The following XRCC2 variants were observed in gnomAD, a reference collection of about 807,000 sequenced individuals.
XRCC2 encodes the protein DNA repair protein XRCC2.
Under a neutral mutation model 27.3 loss-of-function variants are expected in XRCC2, and 24 were observed. The ratio of observed to expected loss-of-function variants is 0.88; its 90% CI spans 0.64 to 1.24. The LOEUF is 1.24. Among genes scored for constraint, XRCC2 ranks in the 50% most tolerant of loss-of-function variants. The probability of loss-of-function intolerance (pLI) is 0.00; values close to 1 mark genes in which losing one functional copy is unlikely to be tolerated. For missense variants in XRCC2, 321 were observed against 325.8 expected (o/e 0.99, Z 0.11); for synonymous variants, 106 against 115.4 (o/e 0.92, Z 0.52).
At position 152,676,045 on chromosome 7, in the gene XRCC2, G is replaced by C; in HGVS notation, c.35C>G (p.Thr12Ser). Residue 12 changes from threonine (T) to serine (S), a missense_variant, in exon 1 of 3, where the codon ACC becomes AGC. Coordinates refer to ENST00000359321, the MANE Select transcript of XRCC2 (RefSeq NM_005431.2). ...TCCCAACCCGGCGGCTCTCACCTCG[G>C]TCCCAGACTCAGCCCTATGGAAGGC... Reference protein sequence around the residue: ...CSAFHRAESGTELLARLEGRS... With the variant: ...CSAFHRAESGSELLARLEGRS... 1 of 1,613,794 alleles carries C rather than the reference G, an allele frequency of 6.2e-7. No homozygotes were observed. Among genetic ancestry groups the C allele is most frequent in the Non-Finnish European group, 8.5e-7 (1 of 1,179,808 alleles).
At chr7:152,675,689 TCCA>T (rs1248277800) in intron 1 of XRCC2, among the ~76,000 whole-genome samples, 2 of 152,212 alleles carry the variant, frequency 1.3e-5, no homozygotes, top group African/African-American at 4.8e-5. Context: ...GCTTGACATT[TCCA>T]ACGGTAGTTA....
intron 1 of XRCC2, among the ~76,000 whole-genome samples, chr7:152,671,474 A>G (rs2098038151): frequency 6.6e-6 from 1 of 152,228 alleles, no homozygotes; most frequent in African/African-American, 2.4e-5. Context: ...TATTCTGCAT[A>G]GTCACATTAC....
intron 1 of XRCC2, among the ~76,000 whole-genome samples, chr7:152,670,694 G>A (rs1179540522): frequency 1.3e-5 from 2 of 152,038 alleles, no homozygotes. Flanking sequence ...TGTCTTCCCG[G>A]GTTCAAGCAA....
chr7:152,665,349 A>G (rs1023842713), intron 1 of XRCC2, among the ~76,000 whole-genome samples: 1 of 152,076 alleles, frequency 6.6e-6, no homozygotes, highest in Non-Finnish European at 1.5e-5. Flanking sequence ...TTATATATCT[A>G]CATGTATCCT....
At chr7:152,660,837 C>T (rs957807522) in intron 1 of XRCC2, 55 bp from the exon 2 acceptor site, 3 of 1,440,560 alleles carry the variant, frequency 2.1e-6, no homozygotes, top group Non-Finnish European at 2.9e-6. Context: ...AAATCCTAGA[C>T]ATCTATATTT....
intron 1 of XRCC2, among the ~76,000 whole-genome samples, chr7:152,661,873 T>C (rs937469371): frequency 1.3e-5 from 2 of 152,216 alleles, no homozygotes; most frequent in Non-Finnish European, 2.9e-5. Flanking sequence ...GTCCTTAGGC[T>C]TCTCATCTGT....
rs1590129454 is a variant in XRCC2 at position 152,648,974 on chromosome 7, A to T, written c.511T>A (p.Ser171Thr). 16 of 1,614,170 alleles carry T rather than the reference A, an allele frequency of 9.9e-6. No individual in the cohort carries two copies. Among genetic ancestry groups the T allele is most frequent in the Non-Finnish European group, 1.4e-5 (16 of 1,180,022 alleles). ...NGGESVNLQESTLRKCSQCLE... is the reference protein window; with the variant it reads ...NGGESVNLQETTLRKCSQCLE... ...CACTGAGAACATTTCCTCAGAGTAG[A>T]CTCCTGTAAGTTCACACTTTCTCCT... Residue 171 changes from serine to threonine, a missense_variant, in exon 3 of 3, where the codon TCT becomes ACT. Transcript: ENST00000359321.
intron 2 of XRCC2, among the ~76,000 whole-genome samples, chr7:152,654,354 G>T (rs1366290233): frequency 1.3e-5 from 2 of 152,086 alleles, no homozygotes; most frequent in Non-Finnish European, 2.9e-5. Flanking sequence ...CTAAATTTTT[G>T]AGATATATCC....
At position 152,645,063 on chromosome 7, in the gene XRCC2, AGT is replaced by A. The variant is rs1444382736; in HGVS notation, c.*3577_*3578del. Reference sequence around the variant, plus strand: ...AGTAAGATTTGCTTCAGCCTCCAAGAGTGTGTTTACGTAAAATTAAATGAGCG... The same window carrying A: ...AGTAAGATTTGCTTCAGCCTCCAAGAGTGTTTACGTAAAATTAAATGAGCG... On this transcript the variant is annotated 3_prime_UTR_variant, in exon 3 of 3. Transcript: ENST00000359321. The A allele has an allele frequency of 5.9e-5, 9 of 152,186 alleles. No homozygotes were observed. Among genetic ancestry groups the A allele is most frequent in the East Asian group, 5.8e-4 (3 of 5,190 alleles). The allele number at this position is 152,186 out of a possible 1,614,324, so 9.4% of individuals were successfully genotyped here.
rs11411109 is a variant in XRCC2 at position 152,654,197 on chromosome 7, C to CAAAAA, written c.122-4839_122-4835dup. 1.7e-3 allele frequency among the ~76,000 whole-genome samples: 153 copies of CAAAAA among 91,988 alleles called. 2 individuals carry two copies. Among genetic ancestry groups the CAAAAA allele is most frequent in the Non-Finnish European group, 2.2e-3 (114 of 51,322 alleles). 60.3% of individuals were successfully genotyped at this position (91,988 alleles called of 152,430 possible). The stretch of plus-strand genomic sequence containing the variant: ...GGGCAACAGGAGTGAAACTCCATCT[C>CAAAAA]AAAAAAAAAAAAAAAAAAAGATTCA... On this transcript the variant is annotated intron_variant, in intron 2 of 2. Coordinates refer to ENST00000359321, the MANE Select transcript of XRCC2 (RefSeq NM_005431.2).
At chr7:152,666,590 G>A (rs2098035812) in intron 1 of XRCC2, among the ~76,000 whole-genome samples, 1 of 150,596 alleles carries the variant, frequency 6.6e-6, no homozygotes, top group Non-Finnish European at 1.5e-5. Context: ...GACTGAAAGA[G>A]TATAACTCAA....
Position 152,648,966 on chromosome 7 carries a change from C to T in XRCC2, c.519G>A (p.Leu173=), listed in dbSNP as rs2116987638. ...GESVNLQEST[L]RKCSQCLEKL... Reference sequence around the variant, plus strand: ...TCTCTAAGCACTGAGAACATTTCCTCAGAGTAGACTCCTGTAAGTTCACAC... The same window carrying T: ...TCTCTAAGCACTGAGAACATTTCCTTAGAGTAGACTCCTGTAAGTTCACAC... Residue 173 remains leucine, a synonymous_variant, in exon 3 of 3, where the codon CTG becomes CTA. Transcript: ENST00000359321. 2 of 1,614,216 alleles carry T rather than the reference C, an allele frequency of 1.2e-6. No homozygotes were observed. Among genetic ancestry groups the T allele is most frequent in the Non-Finnish European group, 1.7e-6 (2 of 1,180,038 alleles).
chr7:152,654,650 G>C (rs1431052545), intron 2 of XRCC2, among the ~76,000 whole-genome samples: 3 of 152,206 alleles, frequency 2.0e-5, no homozygotes, highest in African/African-American at 7.2e-5. Flanking sequence ...AGGAGACAAC[G>C]GCACTAGCCT....
rs1376348163 is a variant in XRCC2 at position 152,645,611 on chromosome 7, T to C, written c.*3031A>G. ...TTTTTTTCATGCTTTTTCATTTTCC[T>C]TGCTTTACTGTGTTGACACTTTCAG... On this transcript the variant is annotated 3_prime_UTR_variant, in exon 3 of 3. Coordinates refer to ENST00000359321, the MANE Select transcript of XRCC2 (RefSeq NM_005431.2). The C allele has an allele frequency of 1.3e-5, 2 of 152,256 alleles. No homozygotes were observed. Among genetic ancestry groups the C allele is most frequent in the African/African-American group, 4.8e-5 (2 of 41,464 alleles). The allele number at this position is 152,256 out of a possible 1,614,324, so 9.4% of individuals were successfully genotyped here.
At chr7:152,658,189 G>C (rs1259110702) in intron 2 of XRCC2, among the ~76,000 whole-genome samples, 1 of 151,432 alleles carries the variant, frequency 6.6e-6, no homozygotes, top group Non-Finnish European at 1.5e-5. Context: ...CTGTCGCCCA[G>C]GCTGGAGTGC....
intron 2 of XRCC2, among the ~76,000 whole-genome samples, chr7:152,650,088 C>T (rs763245077): frequency 1.5e-4 from 23 of 152,214 alleles, no homozygotes; most frequent in Non-Finnish European, 2.8e-4. Flanking sequence ...CTAAGTTGGA[C>T]TTCTATGACA....
intron 1 of XRCC2, among the ~76,000 whole-genome samples, chr7:152,668,026 T>TC (rs1490212197): frequency 7.7e-6 from 1 of 129,780 alleles, no homozygotes; most frequent in Non-Finnish European, 1.6e-5. Flanking sequence ...AGACTCCATC[T>TC]CAAAAAAAAA....
At chr7:152,663,284 C>A (rs1183147997) in intron 1 of XRCC2, among the ~76,000 whole-genome samples, 2 of 138,392 alleles carry the variant, frequency 1.4e-5, no homozygotes, top group African/African-American at 5.2e-5. Flanking sequence ...TAGCACACAT[C>A]GCCAAGCACT....
chr7:152,651,525 G>A (rs979006907), intron 2 of XRCC2, among the ~76,000 whole-genome samples: 4 of 151,854 alleles, frequency 2.6e-5, no homozygotes, highest in African/African-American at 9.7e-5. Flanking sequence ...CCAGGAGGTA[G>A]AGGCTGCAGT....
Sources: allele counts gnomAD v4.1 joint callset (sites outside exome capture counted in the v4.1 genomes callset), GRCh38; gene constraint gnomAD v4.1.1; transcripts MANE v1.5; gene names NCBI Gene and HGNC (gene_info 2026-07-23, HGNC 2026-07-21).